PID1: variants seen among roughly 807,000 people sequenced by gnomAD.
PID1 encodes the protein PTB-containing, cubilin and LRP1-interacting protein.
A neutral mutation model predicts 19.1 loss-of-function variants in PID1; 10 were observed. That is an observed-to-expected ratio of 0.52 (90% CI 0.32 to 0.89). The LOEUF is 0.89. Among genes scored for constraint, PID1 ranks in the 40% least tolerant of loss-of-function variants. PID1 has a pLI of 0.03. For synonymous variants in PID1, 130 were observed against 116.0 expected, an observed-to-expected ratio of 1.12 and a Z score of -0.78; for missense variants, 248 against 285.3, an observed-to-expected ratio of 0.87 and a Z score of 0.94.
chr2:229,025,766 C>A lies in PID1; in HGVS notation c.520G>T (p.Glu174Ter). ...CHAVECESKL[E>*]AKKLAHAMME... ...ATGGCGTGGGCCAGTTTCTTGGCCT[C>A]GAGCTTGCTCTCGCACTCCACGGCG... Residue 174 changes from glutamate to a stop codon, truncating the protein, a stop_gained, in exon 3 of 3, where the codon GAG becomes TAG. Coordinates refer to ENST00000392055, the MANE Select transcript of PID1 (RefSeq NM_001100818.2). LOFTEE classifies it high-confidence loss of function. 1 of 1,614,232 alleles carries A rather than the reference C, an allele frequency of 6.2e-7. No individual in the cohort carries two copies. Among genetic ancestry groups the A allele is most frequent in the Non-Finnish European group, 8.5e-7 (1 of 1,180,038 alleles).
chr2:229,224,624 T>C (rs534416887), intron 1 of PID1, among the ~76,000 whole-genome samples: 1 of 152,284 alleles, frequency 6.6e-6, no homozygotes, highest in South Asian at 2.1e-4. Flanking sequence ...TGGACCGTCA[T>C]TGTTGGTAGG....
chr2:229,214,875 C>A (rs1014110459), intron 1 of PID1, among the ~76,000 whole-genome samples: 2 of 152,108 alleles, frequency 1.3e-5, no homozygotes, highest in African/African-American at 4.8e-5. Flanking sequence ...CACACACACA[C>A]AAATATATAT....
At chr2:229,161,950 A>C (rs1690500556) in intron 1 of PID1, among the ~76,000 whole-genome samples, 1 of 152,272 alleles carries the variant, frequency 6.6e-6, no homozygotes, top group Non-Finnish European at 1.5e-5. Flanking sequence ...TGCAACACAG[A>C]CAATGCACCT....
At chr2:229,182,022 A>T (rs940728904) in intron 1 of PID1, among the ~76,000 whole-genome samples, 12 of 152,248 alleles carry the variant, frequency 7.9e-5, no homozygotes, top group African/African-American at 2.9e-4. Context: ...TGGAGACAGT[A>T]TAAAGATTAG....
chr2:229,271,087 T>C lies in PID1; in HGVS notation c.-44A>G, dbSNP rs1327812095. On this transcript the variant is annotated 5_prime_UTR_variant, in exon 1 of 3. Coordinates refer to ENST00000392055, the MANE Select transcript of PID1 (RefSeq NM_001100818.2). The stretch of plus-strand genomic sequence containing the variant: ...GGCAGAGGAGACGCTGGCGAGACTG[T>C]CGATCGCGCCGGGGGGCGAGGGGCT... 3 of 1,536,692 alleles carry C rather than the reference T, an allele frequency of 2.0e-6. No individual in the cohort carries two copies. The highest frequency in any genetic ancestry group is 2.0e-5 in the Admixed American group (1 of 49,774).
chr2:229,064,630 C>T (rs148736686), intron 2 of PID1, among the ~76,000 whole-genome samples: 4 of 152,110 alleles, frequency 2.6e-5, no homozygotes, highest in Admixed American at 1.3e-4. Flanking sequence ...TTGCCATATT[C>T]GAAAGTGAAA....
chr2:229,190,078 A>G (rs555717437), intron 1 of PID1, among the ~76,000 whole-genome samples: 37 of 152,326 alleles, frequency 2.4e-4, no homozygotes, highest in Non-Finnish European at 4.1e-4. Context: ...TCAGAAAGCA[A>G]TAACAGCTCA....
intron 2 of PID1, among the ~76,000 whole-genome samples, chr2:229,075,018 T>C (rs1694529728): frequency 6.6e-6 from 1 of 152,216 alleles, no homozygotes; most frequent in South Asian, 2.1e-4. Flanking sequence ...TGAAAAATAT[T>C]GTTAAATCAA....
intron 2 of PID1, among the ~76,000 whole-genome samples, chr2:229,137,241 C>T (rs747968215): frequency 2.8e-4 from 42 of 152,252 alleles, no homozygotes; most frequent in South Asian, 1.0e-3. Flanking sequence ...ATCCCAGGAA[C>T]AAAAGAGCAG....
chr2:229,046,347 AGTGTGTGTGTGTGTGTGT>A (rs35091766), intron 2 of PID1, among the ~76,000 whole-genome samples: 1 of 141,284 alleles, frequency 7.1e-6, no homozygotes, highest in East Asian at 2.1e-4. Flanking sequence ...AAATTAGGAA[AGTGTGTGTGTGTGTGTGT>A]GTGTGTGTGT....
intron 1 of PID1, among the ~76,000 whole-genome samples, chr2:229,213,906 A>C (rs888668347): frequency 6.6e-6 from 1 of 152,254 alleles, no homozygotes; most frequent in Non-Finnish European, 1.5e-5. Context: ...TTAACTATGT[A>C]GAATTTAATT....
intron 1 of PID1, among the ~76,000 whole-genome samples, chr2:229,267,545 C>T (rs986419807): frequency 2.0e-5 from 3 of 152,120 alleles, no homozygotes; most frequent in African/African-American, 7.2e-5. Context: ...ATAACTACAC[C>T]AAAGACCTTT....
chr2:229,143,558 T>C (rs1169976592), intron 2 of PID1, among the ~76,000 whole-genome samples: 1 of 151,998 alleles, frequency 6.6e-6, no homozygotes, highest in Non-Finnish European at 1.5e-5. Context: ...CACGTAACCA[T>C]AAAATTAAAG....
chr2:229,207,606 C>A (rs968366144), intron 1 of PID1, among the ~76,000 whole-genome samples: 1 of 151,122 alleles, frequency 6.6e-6, no homozygotes, highest in East Asian at 1.9e-4. Context: ...ACTCAGCTGG[C>A]GGTTCTCAGA....
At chr2:229,027,800 G>T (rs1484073651) in intron 2 of PID1, among the ~76,000 whole-genome samples, 1 of 152,226 alleles carries the variant, frequency 6.6e-6, no homozygotes, top group African/African-American at 2.4e-5. Flanking sequence ...CAGCCCTGGA[G>T]CAGAAGCCGT....
chr2:229,106,644 G>A (rs952349067), intron 2 of PID1, among the ~76,000 whole-genome samples: 3 of 152,210 alleles, frequency 2.0e-5, no homozygotes, highest in Non-Finnish European at 2.9e-5. Flanking sequence ...CTATGAAGCA[G>A]ACAGCAATCC....
intron 1 of PID1, among the ~76,000 whole-genome samples, chr2:229,267,851 T>A (rs1443262347): frequency 6.6e-6 from 1 of 152,018 alleles, no homozygotes; most frequent in African/African-American, 2.4e-5. Context: ...TTCAGAAAAG[T>A]CTCCTTTACT....
intron 2 of PID1, among the ~76,000 whole-genome samples, chr2:229,089,743 G>C (rs1694833612): frequency 6.6e-6 from 1 of 152,144 alleles, no homozygotes; most frequent in African/African-American, 2.4e-5. Context: ...GGGAGTCTTT[G>C]TTTCTCAAGA....
intron 2 of PID1, among the ~76,000 whole-genome samples, chr2:229,076,096 A>C (rs1694552206): frequency 6.6e-6 from 1 of 152,212 alleles, no homozygotes; most frequent in South Asian, 2.1e-4. Flanking sequence ...TAAAAGCGTT[A>C]ATTCATTAGT....
Sources: gnomAD v4.1 joint callset for allele counts (sites outside exome capture counted in the v4.1 genomes callset) on GRCh38, gnomAD v4.1.1 for gene constraint, MANE v1.5 for transcripts, NCBI Gene and HGNC (gene_info 2026-07-23, HGNC 2026-07-21) for gene names.